The following MDH1 variants were observed in gnomAD, a reference collection of about 807,000 sequenced individuals.
MDH1 encodes malate dehydrogenase, cytoplasmic.
MDH1 carries 15 observed loss-of-function variants against 38.7 expected under a neutral mutation model. That is an observed-to-expected ratio of 0.39 (90% CI 0.26 to 0.60). The LOEUF (loss-of-function observed/expected upper bound fraction) is 0.60, where lower values mean the gene tolerates loss of function less well. Ranked by LOEUF, MDH1 falls within the 20% of genes least tolerant of loss-of-function variation. MDH1 has a pLI of 0.56. For missense variants in MDH1, 368 were observed against 405.2 expected (o/e 0.91, Z 0.79); for synonymous variants, 144 against 143.6 (o/e 1.00, Z -0.02).
intron 3 of MDH1, 84 bp downstream of exon 3, chr2:63,595,603 A>G (rs13406158): frequency 7.7e-6 from 6 of 778,386 alleles, no homozygotes; most frequent in African/African-American, 7.0e-5. Context: ...AAGGCTCTCA[A>G]TTAGAAATTA....
rs768163294 is a variant in MDH1 at position 63,605,262 on chromosome 2, C to T, written c.676-18C>T. On this transcript the variant is annotated intron_variant, in intron 6 of 8. Transcript: ENST00000233114. ...CATGACCAAGTAATACTGCTGCCTT[C>T]ACCTGCCCCCTTCCCAGACTGTGCA... 3 of 1,547,212 alleles carry T rather than the reference C, an allele frequency of 1.9e-6. No individual in the cohort carries two copies. The highest frequency in any genetic ancestry group is 4.5e-5 in the East Asian group (2 of 44,534).
At chr2:63,589,068 C>T (rs1229693124) in intron 1 of MDH1, 22 bp downstream of exon 1, 4 of 1,614,022 alleles carry the variant, frequency 2.5e-6, no homozygotes, top group Non-Finnish European at 2.5e-6. Flanking sequence ...CCCCGGGTTC[C>T]TGCCCACCTC....
chr2:63,602,840 A>G (rs1228786382), intron 5 of MDH1, among the ~76,000 whole-genome samples: 1 of 151,850 alleles, frequency 6.6e-6, no homozygotes, highest in East Asian at 1.9e-4. Context: ...AGATCCATCC[A>G]GGTTGTTGTT....
intron 3 of MDH1, among the ~76,000 whole-genome samples, chr2:63,595,725 T>C (rs952011924): frequency 2.6e-5 from 4 of 152,208 alleles, no homozygotes; most frequent in African/African-American, 9.7e-5. Context: ...GGTAAAGGAC[T>C]ATCCTTTTTT....
chr2:63,593,813 C>T (rs1709249807), intron 1 of MDH1, among the ~76,000 whole-genome samples: 1 of 152,062 alleles, frequency 6.6e-6, no homozygotes, highest in Non-Finnish European at 1.5e-5. Context: ...TCTTTTTTTA[C>T]TCAGAGTCAT....
chr2:63,589,249 C>T (rs1709096414), intron 1 of MDH1: 1 of 1,553,204 alleles, frequency 6.4e-7, no homozygotes, highest in Non-Finnish European at 8.7e-7. Context: ...GGGTATGGGG[C>T]GCTCTTAGGA....
Position 63,597,539 on chromosome 2 carries a change from G to C in MDH1, c.340G>C (p.Ala114Pro). Residue 114 changes from alanine (A) to proline (P), a missense_variant, in exon 4 of 9, where the codon GCA (alanine) becomes CCA (proline). Coordinates refer to ENST00000233114, the MANE Select transcript of MDH1 (RefSeq NM_005917.4). ...TGTGAAAATCTTCAAATCCCAGGGTGCAGCCTTAGATAAATACGCCAAGAA... is the reference window on the plus strand; with the variant it reads ...TGTGAAAATCTTCAAATCCCAGGGTCCAGCCTTAGATAAATACGCCAAGAA... ...ANVKIFKSQG[A>P]ALDKYAKKSV... The C allele has an allele frequency of 6.8e-7, 1 of 1,480,384 alleles. No homozygotes were observed. The highest frequency in any genetic ancestry group is 9.0e-7 in the Non-Finnish European group (1 of 1,105,580). 91.7% of individuals were successfully genotyped at this position (1,480,384 alleles called of 1,614,324 possible). A position where few individuals can be genotyped will look rare whatever the true frequency, so the allele number is the denominator to read the frequency against.
At chr2:63,599,515 T>C in intron 5 of MDH1, 1 of 335,784 alleles carries the variant, frequency 3.0e-6, no homozygotes, top group Non-Finnish European at 5.4e-6. Context: ...TGATTTCGTC[T>C]TTAACTATAT....
intron 1 of MDH1, chr2:63,589,340 A>G (rs1211545335): frequency 6.4e-7 from 1 of 1,550,542 alleles, no homozygotes; most frequent in African/African-American, 1.4e-5. Flanking sequence ...GCGACGCTGC[A>G]GCTATTTTCC....
intron 8 of MDH1, among the ~76,000 whole-genome samples, chr2:63,606,450 T>C (rs1251963949): frequency 6.6e-6 from 1 of 152,246 alleles, no homozygotes; most frequent in East Asian, 1.9e-4. Context: ...TTCTCAGCTT[T>C]AAAACTATAT....
chr2:63,602,501 C>G (rs933798756), intron 5 of MDH1, among the ~76,000 whole-genome samples: 4 of 152,032 alleles, frequency 2.6e-5, no homozygotes, highest in Non-Finnish European at 5.9e-5. Flanking sequence ...AGTTGATGAA[C>G]TACACAATAC....
chr2:63,594,831 G>A, intron 2 of MDH1: 2 of 371,896 alleles, frequency 5.4e-6, no homozygotes, highest in Non-Finnish European at 9.9e-6. Flanking sequence ...GCAACCAGCA[G>A]GTGTCAGTCA....
intron 5 of MDH1, among the ~76,000 whole-genome samples, chr2:63,602,895 A>C (rs1221743533): frequency 7.1e-6 from 1 of 140,056 alleles, no homozygotes; most frequent in African/African-American, 2.6e-5. Flanking sequence ...TATTTATTCC[A>C]TTGCCTATGT....
Position 63,606,859 on chromosome 2 carries a change from C to A in MDH1, c.880-3C>A. 1 of 1,595,198 alleles carries A rather than the reference C, an allele frequency of 6.3e-7. No homozygotes were observed. Among genetic ancestry groups the A allele is most frequent in the Non-Finnish European group, 8.5e-7 (1 of 1,171,986 alleles). The stretch of plus-strand genomic sequence containing the variant: ...ATCTCTTATTTGCATTATTTTCAAA[C>A]AGAATAAGACCTGGAAGTTTGTTGA... On this transcript the variant is annotated splice_polypyrimidine_tract_variant and splice_region_variant and intron_variant, in intron 8 of 8. Transcript: ENST00000233114.
intron 4 of MDH1, among the ~76,000 whole-genome samples, chr2:63,598,716 T>G (rs1180273023): frequency 6.6e-6 from 1 of 152,118 alleles, no homozygotes; most frequent in East Asian, 1.9e-4. Context: ...AATCCACAGG[T>G]GCCAGTAAAA....
chr2:63,599,340 T>A, intron 5 of MDH1, 48 bp downstream of exon 5: 1 of 1,566,558 alleles, frequency 6.4e-7, no homozygotes, highest in East Asian at 2.3e-5. Flanking sequence ...CTTTAAAACA[T>A]TTTTCTCTCA....
intron 1 of MDH1, chr2:63,593,513 A>G: frequency 2.1e-6 from 1 of 470,344 alleles, no homozygotes; most frequent in East Asian, 6.9e-5. Flanking sequence ...CTTCGAGGCT[A>G]TCCATCCTTG....
intron 1 of MDH1, chr2:63,589,321 G>A (rs1310750342): frequency 1.3e-6 from 2 of 1,550,686 alleles, no homozygotes; most frequent in African/African-American, 1.4e-5. Context: ...CATGACGGGA[G>A]GACAAAATGC....
At chr2:63,606,354 A>G (rs1709527917) in intron 8 of MDH1, among the ~76,000 whole-genome samples, 1 of 152,234 alleles carries the variant, frequency 6.6e-6, no homozygotes. Flanking sequence ...CCACCAGGCA[A>G]CAGAACGGGA....
Sources: gnomAD v4.1 joint callset for allele counts (sites outside exome capture counted in the v4.1 genomes callset) on GRCh38, gnomAD v4.1.1 for gene constraint, MANE v1.5 for transcripts, NCBI Gene and HGNC (gene_info 2026-07-23, HGNC 2026-07-21) for gene names.